Variants in TSHZ2 observed in about 807,000 individuals in gnomAD.
TSHZ2 encodes teashirt zinc finger homeobox 2, also known as teashirt homolog 2.
Under a neutral mutation model 74.4 loss-of-function variants are expected in TSHZ2, and 21 were observed. That is an observed-to-expected ratio of 0.28 (90% CI 0.20 to 0.41). The LOEUF (loss-of-function observed/expected upper bound fraction) is 0.41. Ranked by LOEUF, TSHZ2 falls within the 10% of genes least tolerant of loss-of-function variation. The pLI is 1.00. For synonymous variants in TSHZ2, 540 were observed against 515.3 expected (o/e 1.05, Z -0.65); for missense variants, 1,244 against 1,293.5 (o/e 0.96, Z 0.59).
At chr20:53,292,993 C>T (rs1991309170) in intron 2 of TSHZ2, among the ~76,000 whole-genome samples, 1 of 152,174 alleles carries the variant, frequency 6.6e-6, no homozygotes, top group Non-Finnish European at 1.5e-5. Flanking sequence ...TTGGTCCATT[C>T]ACAGTCAATA....
At chr20:53,091,969 C>T (rs986059455) in intron 1 of TSHZ2, among the ~76,000 whole-genome samples, 13 of 151,994 alleles carry the variant, frequency 8.6e-5, no homozygotes, top group African/African-American at 2.7e-4. Context: ...TTGCTGGAGC[C>T]CAGGAGTTCA....
chr20:53,438,256 C>T (rs562471870), intron 2 of TSHZ2, among the ~76,000 whole-genome samples: 5 of 151,944 alleles, frequency 3.3e-5, no homozygotes, highest in South Asian at 2.1e-4. Flanking sequence ...ACTACAGATG[C>T]CCGCCACGAC....
intron 1 of TSHZ2, among the ~76,000 whole-genome samples, chr20:53,165,505 G>A (rs1013189099): frequency 6.6e-6 from 1 of 152,196 alleles, no homozygotes; most frequent in Non-Finnish European, 1.5e-5. Context: ...GGGAGAAAAT[G>A]CTCAAAACTG....
At chr20:53,133,521 C>T (rs1013157882) in intron 1 of TSHZ2, among the ~76,000 whole-genome samples, 4 of 152,156 alleles carry the variant, frequency 2.6e-5, no homozygotes, top group Non-Finnish European at 5.9e-5. Flanking sequence ...AAAATCAAAC[C>T]GCCAGAAAGT....
At chr20:53,075,545 A>G (rs1985339780) in intron 1 of TSHZ2, among the ~76,000 whole-genome samples, 1 of 152,200 alleles carries the variant, frequency 6.6e-6, no homozygotes, top group African/African-American at 2.4e-5. Context: ...TAACCTTGGC[A>G]AACACAGAGA....
chr20:53,385,617 A>T (rs1982016143), intron 2 of TSHZ2, among the ~76,000 whole-genome samples: 2 of 152,228 alleles, frequency 1.3e-5, no homozygotes, highest in East Asian at 3.9e-4. Context: ...GTCGCCCTGG[A>T]GATGTTTTTA....
At chr20:53,413,751 A>G (rs1320304054) in intron 2 of TSHZ2, among the ~76,000 whole-genome samples, 2 of 152,248 alleles carry the variant, frequency 1.3e-5, no homozygotes, top group Admixed American at 6.5e-5. Flanking sequence ...AAATTCTTCT[A>G]TGCTGATACA....
At chr20:53,166,342 G>C (rs1014588800) in intron 1 of TSHZ2, among the ~76,000 whole-genome samples, 1 of 152,222 alleles carries the variant, frequency 6.6e-6, no homozygotes, top group African/African-American at 2.4e-5. Flanking sequence ...TTTGGGCTGG[G>C]CATGATGGCT....
At chr20:53,046,903 A>G (rs886988210) in intron 1 of TSHZ2, among the ~76,000 whole-genome samples, 1 of 152,226 alleles carries the variant, frequency 6.6e-6, no homozygotes, top group Non-Finnish European at 1.5e-5. Context: ...CATGTTATGA[A>G]CAGGGTAACT....
intron 2 of TSHZ2, among the ~76,000 whole-genome samples, chr20:53,338,701 T>C (rs1220822578): frequency 1.3e-5 from 2 of 151,956 alleles, no homozygotes; most frequent in African/African-American, 4.8e-5. Flanking sequence ...CTCCAAATGT[T>C]AAGAGTACTC....
intron 1 of TSHZ2, among the ~76,000 whole-genome samples, chr20:53,164,626 T>G (rs2123471533): frequency 6.6e-6 from 1 of 152,346 alleles, no homozygotes; most frequent in African/African-American, 2.4e-5. Context: ...AGTTATTTTT[T>G]GAATTTTATT....
chr20:53,232,864 C>G (rs1311056302), intron 1 of TSHZ2, among the ~76,000 whole-genome samples: 2 of 152,072 alleles, frequency 1.3e-5, no homozygotes, highest in Admixed American at 1.3e-4. Context: ...AGCTAAGAGG[C>G]CATTCAGCAA....
chr20:53,158,882 A>G (rs1026428950), intron 1 of TSHZ2, among the ~76,000 whole-genome samples: 1 of 152,218 alleles, frequency 6.6e-6, no homozygotes, highest in Non-Finnish European at 1.5e-5. Context: ...TTTGCACACA[A>G]AAGCCACAAC....
At chr20:53,424,238 T>C (rs538442928) in intron 2 of TSHZ2, among the ~76,000 whole-genome samples, 3 of 152,336 alleles carry the variant, frequency 2.0e-5, no homozygotes, top group African/African-American at 7.2e-5. Context: ...CAGTAGCACC[T>C]CCTCTCAAAT....
intron 1 of TSHZ2, among the ~76,000 whole-genome samples, chr20:53,244,366 G>C (rs1397154054): frequency 6.6e-6 from 1 of 152,204 alleles, no homozygotes; most frequent in Admixed American, 6.5e-5. Flanking sequence ...ATCTTAATTT[G>C]ATAGGAGAGT....
intron 1 of TSHZ2, among the ~76,000 whole-genome samples, chr20:53,151,976 G>T (rs1451710460): frequency 1.3e-5 from 2 of 152,116 alleles, no homozygotes; most frequent in Non-Finnish European, 2.9e-5. Flanking sequence ...TAAATACAAA[G>T]ATTCTCTTCT....
chr20:53,234,463 A>T (rs1250920038), intron 1 of TSHZ2, among the ~76,000 whole-genome samples: 4 of 152,248 alleles, frequency 2.6e-5, no homozygotes, highest in Non-Finnish European at 5.9e-5. Context: ...GATCACAATT[A>T]ACAATAGAAA....
intron 1 of TSHZ2, among the ~76,000 whole-genome samples, chr20:53,156,684 A>G (rs1987802665): frequency 1.3e-5 from 2 of 152,230 alleles, no homozygotes; most frequent in South Asian, 4.1e-4. Context: ...CCCAGAAAGA[A>G]AAGAATTGCT....
chr20:53,359,279 G>A (rs1980965461), intron 2 of TSHZ2, among the ~76,000 whole-genome samples: 1 of 152,096 alleles, frequency 6.6e-6, no homozygotes, highest in Non-Finnish European at 1.5e-5. Flanking sequence ...GCAGACTGGG[G>A]CCAAACCTGT....
Sources: allele counts gnomAD v4.1 joint callset (sites outside exome capture counted in the v4.1 genomes callset), GRCh38; gene constraint gnomAD v4.1.1; transcripts MANE v1.5; gene names NCBI Gene and HGNC (gene_info 2026-07-23, HGNC 2026-07-21).